The following RHBDL3 variants were observed in gnomAD, a reference collection of about 807,000 sequenced individuals.
RHBDL3 encodes rhomboid-related protein 3.
A neutral mutation model predicts 48.2 loss-of-function variants in RHBDL3; 28 were observed. That is an observed-to-expected ratio of 0.58 (90% confidence interval 0.43 to 0.80). RHBDL3 has a LOEUF of 0.80. Among genes scored for constraint, RHBDL3 ranks in the 30% least tolerant of loss-of-function variants. RHBDL3 has a pLI of 0.00. For synonymous variants in RHBDL3, 208 were observed against 232.3 expected, an observed-to-expected ratio of 0.90 and a Z score of 0.95; for missense variants, 464 against 542.7, an observed-to-expected ratio of 0.85 and a Z score of 1.44.
At chr17:32,316,343 G>T (rs528278082) in intron 8 of RHBDL3, 51 bp downstream of exon 8, 3 of 1,374,326 alleles carry the variant, frequency 2.2e-6, no homozygotes, top group East Asian at 4.6e-5. Flanking sequence ...CAGGGCCTGA[G>T]GTTCAAAGAT....
intron 2 of RHBDL3, among the ~76,000 whole-genome samples, chr17:32,277,878 AC>A (rs373676118): frequency 1.3e-5 from 2 of 152,266 alleles, no homozygotes; most frequent in African/African-American, 4.8e-5. Context: ...CCAGCCTAAA[AC>A]CTTGCAGAGT....
intron 1 of RHBDL3, among the ~76,000 whole-genome samples, chr17:32,267,345 C>T (rs71377423): frequency 2.3e-4 from 34 of 150,950 alleles, no homozygotes; most frequent in African/African-American, 7.4e-4. Flanking sequence ...CACCACCCCC[C>T]CTTCCCCGCA....
At chr17:32,268,032 G>C (rs147921013) in intron 2 of RHBDL3, 107 bp downstream of exon 2, 2 of 861,000 alleles carry the variant, frequency 2.3e-6, no homozygotes, top group East Asian at 4.8e-5. Flanking sequence ...AGATGGTGAC[G>C]TGGGGTGGGG....
At chr17:32,290,560 G>A (rs1018348045) in intron 4 of RHBDL3, among the ~76,000 whole-genome samples, 12 of 152,048 alleles carry the variant, frequency 7.9e-5, no homozygotes, top group African/African-American at 1.4e-4. Flanking sequence ...CCTGGCTTTC[G>A]GATTTCATAA....
chr17:32,290,822 G>C (rs1206172692), intron 4 of RHBDL3, among the ~76,000 whole-genome samples: 1 of 152,026 alleles, frequency 6.6e-6, no homozygotes, highest in Non-Finnish European at 1.5e-5. Context: ...GGACAAAAAA[G>C]TGAGACTGTC....
rs1050564675 is a variant in RHBDL3 at position 32,294,274 on chromosome 17, A to G, written c.520-20A>G. The G allele has an allele frequency of 5.0e-6, 8 of 1,609,812 alleles. No individual in the cohort carries two copies. Among genetic ancestry groups the G allele is most frequent in the Non-Finnish European group, 6.8e-6 (8 of 1,177,878 alleles). On this transcript the variant is annotated intron_variant, in intron 4 of 8. Coordinates refer to ENST00000269051, the MANE Select transcript of RHBDL3 (RefSeq NM_138328.3). ...CTGGGCAGTGTGCACCTAGTAACAG[A>G]CTCTCTCTCTTCTGTCCAGGTTGCC...
At chr17:32,286,042 A>C (rs1400411709) in intron 3 of RHBDL3, among the ~76,000 whole-genome samples, 7 of 152,136 alleles carry the variant, frequency 4.6e-5, no homozygotes, top group Admixed American at 4.6e-4. Flanking sequence ...AGAGCAAGGG[A>C]CAGAGCTGAG....
Position 32,284,801 on chromosome 17 carries a change from A to G in RHBDL3, c.278A>G (p.Gln93Arg). The G allele has an allele frequency of 6.2e-7, 1 of 1,613,870 alleles. No homozygotes were observed. The highest frequency in any genetic ancestry group is 8.5e-7 in the Non-Finnish European group (1 of 1,179,996). ...DSHADGQIGY[Q>R]DFVSLMSNKR... is the part of the protein sequence containing the mutation. ...CACGCGGATGGGCAGATCGGCTACC[A>G]GGATTTTGTCAGCCTAGTGAGTGCT... The change falls in exon 3 of 9, where the codon CAG (glutamine) becomes CGG (arginine). Residue 93 changes from glutamine (Q) to arginine (R), a missense_variant. Physicochemically the swap from Gln to Arg is conservative, Grantham distance 43. Coordinates refer to ENST00000269051, the MANE Select transcript of RHBDL3 (RefSeq NM_138328.3).
intron 2 of RHBDL3, among the ~76,000 whole-genome samples, chr17:32,268,337 C>T (rs113929619): frequency 1.3e-5 from 2 of 152,198 alleles, no homozygotes; most frequent in Admixed American, 6.5e-5. Flanking sequence ...AGTCAAATCT[C>T]TGCCATCCTT....
At chr17:32,293,197 T>C (rs2040374391) in intron 4 of RHBDL3, among the ~76,000 whole-genome samples, 1 of 151,778 alleles carries the variant, frequency 6.6e-6, no homozygotes, top group South Asian at 2.1e-4. Context: ...CATTGTTCAG[T>C]GGGTACAGAG....
intron 8 of RHBDL3, among the ~76,000 whole-genome samples, chr17:32,319,421 CAAAAAA>C (rs541383037): frequency 4.0e-4 from 32 of 79,836 alleles, no homozygotes; most frequent in African/African-American, 1.4e-3. Context: ...GATTCCGTCT[CAAAAAA>C]AAAAAAAAAA....
At chr17:32,300,476 C>T (rs59319269) in intron 6 of RHBDL3, among the ~76,000 whole-genome samples, 1 of 152,228 alleles carries the variant, frequency 6.6e-6, no homozygotes, top group African/African-American at 2.4e-5. Flanking sequence ...ATCGCTTGAG[C>T]CCAGAAGTGC....
chr17:32,276,143 A>T (rs1292910933), intron 2 of RHBDL3, among the ~76,000 whole-genome samples: 2 of 152,094 alleles, frequency 1.3e-5, no homozygotes, highest in East Asian at 3.9e-4. Context: ...AACAAATGTG[A>T]AAGTCAGTAT....
chr17:32,266,314 C>T lies in RHBDL3; in HGVS notation c.111+14C>T. On this transcript the variant is annotated intron_variant, in intron 1 of 8. Transcript: ENST00000269051. ...GCGCCGGAGGACGTGAGTGCCCCCT[C>T]CCCGCCCGGCAAACTTTCTAGGGGG... 1.4e-6 allele frequency: 2 copies of T among 1,395,310 alleles called. No homozygotes were observed. Among genetic ancestry groups the T allele is most frequent in the Non-Finnish European group, 1.9e-6 (2 of 1,056,830 alleles). 86.4% of individuals were successfully genotyped at this position (1,395,310 alleles called of 1,614,324 possible).
intron 8 of RHBDL3, among the ~76,000 whole-genome samples, chr17:32,317,402 A>G (rs2041002183): frequency 6.6e-6 from 1 of 152,174 alleles, no homozygotes; most frequent in South Asian, 2.1e-4. Context: ...AGGTTCGCAA[A>G]CTGTAACTAG....
intron 7 of RHBDL3, among the ~76,000 whole-genome samples, chr17:32,310,569 T>C (rs1248671933): frequency 2.0e-5 from 3 of 151,544 alleles, no homozygotes; most frequent in African/African-American, 4.9e-5. Flanking sequence ...AAAAATTAGG[T>C]GGGCGTGGTG....
chr17:32,293,013 C>T (rs2040368082), intron 4 of RHBDL3, among the ~76,000 whole-genome samples: 1 of 152,144 alleles, frequency 6.6e-6, no homozygotes, highest in East Asian at 1.9e-4. Flanking sequence ...CATTCTGACA[C>T]ATGCTACACA....
intron 7 of RHBDL3, among the ~76,000 whole-genome samples, chr17:32,307,166 T>G (rs753704628): frequency 6.6e-6 from 1 of 152,160 alleles, no homozygotes; most frequent in Non-Finnish European, 1.5e-5. Flanking sequence ...TGGCTAACCC[T>G]GCCCGATCCC....
At chr17:32,313,535 C>T (rs996524365) in intron 7 of RHBDL3, among the ~76,000 whole-genome samples, 1 of 152,114 alleles carries the variant, frequency 6.6e-6, no homozygotes, top group African/African-American at 2.4e-5. Flanking sequence ...TCTTACAAAA[C>T]TGAAACTCTG....
Sources: allele counts gnomAD v4.1 joint callset (sites outside exome capture counted in the v4.1 genomes callset), GRCh38; gene constraint gnomAD v4.1.1; transcripts MANE v1.5; gene names NCBI Gene and HGNC (gene_info 2026-07-23, HGNC 2026-07-21).